CCBE1: variants seen among roughly 807,000 people sequenced by gnomAD.
The protein encoded by CCBE1 is collagen and calcium binding EGF domains 1, also known as collagen and calcium-binding EGF domain-containing protein 1.
In CCBE1, 37 loss-of-function variants were observed where a neutral mutation model predicts 50.0. The ratio of observed to expected loss-of-function variants is 0.74; its 90% CI spans 0.57 to 0.97. The LOEUF (loss-of-function observed/expected upper bound fraction) is 0.97. Among genes scored for constraint, CCBE1 ranks in the 50% least tolerant of loss-of-function variants. The pLI, the probability that CCBE1 is intolerant of heterozygous loss-of-function variation, is 0.00. For synonymous variants in CCBE1, 234 were observed against 203.7 expected (o/e 1.15, Z -1.27); for missense variants, 538 against 523.8 (o/e 1.03, Z -0.26).
intron 2 of CCBE1, among the ~76,000 whole-genome samples, chr18:59,579,178 G>C (rs558141077): frequency 6.6e-6 from 1 of 151,886 alleles, no homozygotes; most frequent in Admixed American, 6.6e-5. Context: ...TATCTTTTTT[G>C]ACAACTACTG....
chr18:59,592,913 TAAAAAA>T (rs955768751), intron 2 of CCBE1, among the ~76,000 whole-genome samples: 1 of 148,756 alleles, frequency 6.7e-6, no homozygotes, highest in African/African-American at 2.5e-5. Flanking sequence ...GGTTTAAAAA[TAAAAAA>T]AAAGGAAGGA....
chr18:59,590,408 C>A (rs1437265630), intron 2 of CCBE1, among the ~76,000 whole-genome samples: 1 of 152,196 alleles, frequency 6.6e-6, no homozygotes, highest in African/African-American at 2.4e-5. Flanking sequence ...ATTCCTTGTT[C>A]TTGGGCTAGA....
intron 6 of CCBE1, among the ~76,000 whole-genome samples, chr18:59,449,047 A>G (rs72958137): frequency 0.15 from 23,199 of 152,142 alleles, 1,866 homozygotes; most frequent in African/African-American, 0.2. Context: ...GTGGGTCAAC[A>G]CTGGCAGCTG....
rs1477361384 is a variant in CCBE1 at position 59,431,350 on chromosome 18, C to T, written c.*4558G>A. The T allele has an allele frequency of 1.3e-5, 2 of 152,128 alleles. No individual in the cohort carries two copies. The highest frequency in any genetic ancestry group is 4.8e-5 in the African/African-American group (2 of 41,384). 9.4% of individuals were successfully genotyped at this position (152,128 alleles called of 1,614,324 possible). ...GAAAAAATTCATCTATTTCCCTGAA[C>T]TCATTATTAATAACTTTAGATGGCT... On this transcript the variant is annotated 3_prime_UTR_variant, in exon 11 of 11. Transcript: ENST00000439986.
chr18:59,610,705 C>T (rs536817674), intron 2 of CCBE1, among the ~76,000 whole-genome samples: 7 of 152,208 alleles, frequency 4.6e-5, no homozygotes, highest in Non-Finnish European at 8.8e-5. Flanking sequence ...AAGTGGGCTC[C>T]AGAGTTCACT....
intron 6 of CCBE1, 86 bp from the exon 7 acceptor site, chr18:59,448,189 C>T: frequency 6.3e-7 from 1 of 1,577,634 alleles, no homozygotes; most frequent in Admixed American, 1.7e-5. Flanking sequence ...GCTGCAAAGC[C>T]TTTTCATGAG....
chr18:59,552,078 T>G (rs1195637043), intron 2 of CCBE1, among the ~76,000 whole-genome samples: 2 of 152,214 alleles, frequency 1.3e-5, no homozygotes, highest in Non-Finnish European at 2.9e-5. Context: ...AACTGGTACC[T>G]TGGTGCCAGC....
chr18:59,569,095 A>G (rs115239603), intron 2 of CCBE1, among the ~76,000 whole-genome samples: 198 of 151,630 alleles, frequency 1.3e-3, no homozygotes, highest in African/African-American at 4.2e-3. Context: ...GTTCGATTCC[A>G]CTCTCTCCTT....
chr18:59,467,962 G>A (rs1417358091), intron 4 of CCBE1, among the ~76,000 whole-genome samples: 1 of 152,192 alleles, frequency 6.6e-6, no homozygotes, highest in Non-Finnish European at 1.5e-5. Context: ...CTTTCCCCAG[G>A]TGTCCCTGCC....
At chr18:59,563,445 T>G (rs1050440710) in intron 2 of CCBE1, among the ~76,000 whole-genome samples, 1 of 152,178 alleles carries the variant, frequency 6.6e-6, no homozygotes, top group Non-Finnish European at 1.5e-5. Flanking sequence ...GAAGTAAAAA[T>G]TCAGCCATAT....
At chr18:59,669,779 TG>T (rs1226858448) in intron 2 of CCBE1, among the ~76,000 whole-genome samples, 1 of 152,202 alleles carries the variant, frequency 6.6e-6, no homozygotes, top group Non-Finnish European at 1.5e-5. Context: ...TACCTGAACA[TG>T]GGGTCAGGCC....
chr18:59,571,549 ACAC>A (rs2052915607), intron 2 of CCBE1, among the ~76,000 whole-genome samples: 1 of 129,266 alleles, frequency 7.7e-6, no homozygotes, highest in Non-Finnish European at 1.7e-5. Context: ...TGGGTGCAGC[ACAC>A]CACATGGCAC....
intron 2 of CCBE1, among the ~76,000 whole-genome samples, chr18:59,504,848 C>A (rs1913795714): frequency 6.6e-6 from 1 of 152,178 alleles, no homozygotes; most frequent in South Asian, 2.1e-4. Flanking sequence ...GACCTCCTCT[C>A]CCCCTGAACT....
chr18:59,687,674 A>T (rs1390774418), intron 2 of CCBE1, among the ~76,000 whole-genome samples: 1 of 152,218 alleles, frequency 6.6e-6, no homozygotes, highest in African/African-American at 2.4e-5. Context: ...AAAAATTCAT[A>T]AGTTTAGGCT....
intron 2 of CCBE1, among the ~76,000 whole-genome samples, chr18:59,652,617 C>T (rs187752997): frequency 6.6e-6 from 1 of 152,296 alleles, no homozygotes; most frequent in Admixed American, 6.5e-5. Flanking sequence ...AGAGAGCACT[C>T]GGAGTCCCGC....
In CCBE1 at chr18:59,439,552, A is replaced by G. The variant is rs200439896; in HGVS notation, c.942T>C (p.Asp314=). The G allele has an allele frequency of 3.5e-5, 56 of 1,614,260 alleles. No homozygotes were observed. The highest frequency in any genetic ancestry group is 4.3e-5 in the Non-Finnish European group (51 of 1,180,052). The change falls in exon 9 of 11, where the codon GAT becomes GAC. Residue 314 remains aspartate (D), a synonymous_variant. Coordinates refer to ENST00000439986, the MANE Select transcript of CCBE1 (RefSeq NM_133459.4). ...CACTCATAAGGCTTACCTTAGAACC[A>G]TCTCTTCCTGGTGCCCCTGGTGGAC... ...PVGPPGAPGR[D]GSKGERGAPG...
intron 1 of CCBE1, 80 bp downstream of exon 1, chr18:59,697,132 C>G: frequency 2.6e-6 from 4 of 1,534,694 alleles, no homozygotes; most frequent in Non-Finnish European, 3.5e-6. Flanking sequence ...GAGTGGGCGC[C>G]GGGGAGGACC....
rs144858624 is a variant in CCBE1, at chr18:59,669,733, G to A, written c.212+26896C>T. ...CCCTCACATCTCTCCCCGAACTTCC[G>A]GAGGGGCACTGGAGTTAGGGTGGTA... On this transcript the variant is annotated intron_variant, in intron 2 of 10. Coordinates refer to ENST00000439986, the MANE Select transcript of CCBE1 (RefSeq NM_133459.4). Among the ~76,000 whole-genome samples the A allele has an allele frequency of 1.4e-3, 211 of 152,334 alleles. 1 individual carries two copies. The highest frequency in any genetic ancestry group is 4.7e-3 in the African/African-American group (197 of 41,578).
chr18:59,665,638 T>C (rs79889486), intron 2 of CCBE1, among the ~76,000 whole-genome samples: 2,438 of 152,244 alleles, frequency 0.016, 72 homozygotes, highest in African/African-American at 0.055. Flanking sequence ...GTGCTTTTCT[T>C]CTGAAAGCAA....
Sources: allele counts gnomAD v4.1 joint callset (sites outside exome capture counted in the v4.1 genomes callset), GRCh38; gene constraint gnomAD v4.1.1; transcripts MANE v1.5; gene names NCBI Gene and HGNC (gene_info 2026-07-23, HGNC 2026-07-21).